ANXA8: variants seen among roughly 807,000 people sequenced by gnomAD.
The protein encoded by ANXA8 is VAC-beta.
Under a neutral mutation model 26.8 loss-of-function variants are expected in ANXA8, and 9 were observed. The observed-to-expected ratio is 0.34, with a 90% CI of 0.20 to 0.59. The LOEUF (loss-of-function observed/expected upper bound fraction) is 0.59. Among genes scored for constraint, ANXA8 ranks in the 20% least tolerant of loss-of-function variants. The pLI is 0.84. For missense variants in ANXA8, 83 were observed against 238.5 expected, an observed-to-expected ratio of 0.35 and a Z score of 4.29; for synonymous variants, 39 against 94.8, an observed-to-expected ratio of 0.41 and a Z score of 3.42.
At chr10:47,767,839 G>A in the ANXA8 span, among the ~76,000 whole-genome samples, 5 of 149,246 alleles carry the variant, frequency 3.4e-5, no homozygotes, top group East Asian at 2.0e-4. Context: ...AAAGCCCCAC[G>A]TGGAGGAGCC....
At chr10:47,708,494 G>T in the ANXA8 span, among the ~76,000 whole-genome samples, 1 of 142,412 alleles carries the variant, frequency 7.0e-6, no homozygotes, top group African/African-American at 2.5e-5. Flanking sequence ...GGACATAGAG[G>T]TGACAACAAT....
chr10:47,700,597 G>C, the ANXA8 span, among the ~76,000 whole-genome samples: 1 of 149,790 alleles, frequency 6.7e-6, no homozygotes. Flanking sequence ...GTAGGGAAAG[G>C]CTTTTTCTTA....
chr10:47,595,744 T>C, the ANXA8 span, among the ~76,000 whole-genome samples: 3 of 149,144 alleles, frequency 2.0e-5, no homozygotes, highest in Admixed American at 6.6e-5. Flanking sequence ...CCAATATTAA[T>C]TGGAGCATCA....
chr10:47,475,194 C>T (rs1351941623), intron 6 of ANXA8, among the ~76,000 whole-genome samples, 190 bp from the exon 7 acceptor site: 7 of 147,762 alleles, frequency 4.7e-5, no homozygotes, highest in Admixed American at 1.3e-4. Context: ...AGGACTGCCT[C>T]ATAAGGCTTG....
At chr10:47,968,792 T>G in the ANXA8 span, among the ~76,000 whole-genome samples, 89 of 150,118 alleles carry the variant, frequency 5.9e-4, no homozygotes, top group African/African-American at 2.0e-3. Context: ...CGGTCAGTCA[T>G]GATTTCAGTC....
the ANXA8 span, among the ~76,000 whole-genome samples, chr10:47,552,899 GTGCCA>G: frequency 6.6e-6 from 1 of 151,790 alleles, no homozygotes; most frequent in Non-Finnish European, 1.5e-5. Context: ...AGTATCTTCC[GTGCCA>G]TGCAATAAGG....
At chr10:47,986,959 C>G in the ANXA8 span, 1 of 521,222 alleles carries the variant, frequency 1.9e-6, no homozygotes, top group East Asian at 3.7e-5. Context: ...GGGACGCGAC[C>G]TCGTCCAAGA....
the ANXA8 span, among the ~76,000 whole-genome samples, chr10:47,937,536 GA>G: frequency 7.0e-6 from 1 of 142,722 alleles, no homozygotes; most frequent in Non-Finnish European, 1.6e-5. Context: ...GTGTCATGGG[GA>G]TTTGTTGCAC....
At chr10:47,918,564 T>G in the ANXA8 span, among the ~76,000 whole-genome samples, 1 of 31,028 alleles carries the variant, frequency 3.2e-5, no homozygotes, top group East Asian at 3.9e-4. Context: ...CCAGGGCGAG[T>G]GCTGGGGTCC....
the ANXA8 span, among the ~76,000 whole-genome samples, chr10:47,610,725 C>T: frequency 2.0e-5 from 3 of 150,156 alleles, no homozygotes; most frequent in East Asian, 1.9e-4. Context: ...AAATAAATAA[C>T]TTTTATTTTC....
the ANXA8 span, among the ~76,000 whole-genome samples, chr10:47,744,857 T>G: frequency 1.3e-5 from 2 of 152,032 alleles, no homozygotes; most frequent in East Asian, 3.9e-4. Flanking sequence ...ACATGATTTT[T>G]GGATCATTCT....
At chr10:47,499,161 T>G in the ANXA8 span, among the ~76,000 whole-genome samples, 1 of 134,556 alleles carries the variant, frequency 7.4e-6, no homozygotes, top group Non-Finnish European at 1.5e-5. Flanking sequence ...CGTAGATGAA[T>G]TGTTGGAACT....
At chr10:47,698,983 G>T in the ANXA8 span, among the ~76,000 whole-genome samples, 2 of 151,554 alleles carry the variant, frequency 1.3e-5, no homozygotes, top group African/African-American at 2.4e-5. Context: ...CCAGGAAAAA[G>T]ATAAGGATGT....
At chr10:47,686,061 T>C in the ANXA8 span, among the ~76,000 whole-genome samples, 19 of 151,286 alleles carry the variant, frequency 1.3e-4, no homozygotes, top group African/African-American at 4.4e-4. Context: ...ACTTTTTTTC[T>C]GAACATTAAT....
chr10:47,940,116 C>T, the ANXA8 span, among the ~76,000 whole-genome samples: 11 of 151,478 alleles, frequency 7.3e-5, no homozygotes, highest in Admixed American at 1.3e-4. Context: ...TCCCTTGTTT[C>T]GTGTCTGCAT....
the ANXA8 span, among the ~76,000 whole-genome samples, chr10:47,664,676 G>A: frequency 2.7e-5 from 4 of 150,416 alleles, no homozygotes; most frequent in African/African-American, 2.5e-5. Flanking sequence ...TTCACTTTGG[G>A]AATATCTAAA....
chr10:47,703,549 CAG>C, the ANXA8 span, among the ~76,000 whole-genome samples: 1 of 147,682 alleles, frequency 6.8e-6, no homozygotes, highest in African/African-American at 2.5e-5. Flanking sequence ...GCCTGGGCAA[CAG>C]AGTGAGACTC....
chr10:47,573,925 A>G, the ANXA8 span, among the ~76,000 whole-genome samples: 2 of 149,734 alleles, frequency 1.3e-5, no homozygotes, highest in Admixed American at 6.7e-5. Flanking sequence ...CCTGTATCCA[A>G]TATATCACAT....
chr10:47,649,249 A>G, the ANXA8 span, among the ~76,000 whole-genome samples: 1 of 151,048 alleles, frequency 6.6e-6, no homozygotes, highest in Non-Finnish European at 1.5e-5. Flanking sequence ...AGCAAGAATT[A>G]GTAATCAATG....
Sources: allele counts gnomAD v4.1 joint callset (sites outside exome capture counted in the v4.1 genomes callset), GRCh38; gene constraint gnomAD v4.1.1; transcripts MANE v1.5; gene names NCBI Gene and HGNC (gene_info 2026-07-23, HGNC 2026-07-21).